Variants in KCNIP2 observed in about 807,000 individuals in gnomAD.
KCNIP2 encodes potassium voltage-gated channel interacting protein 2, also known as A-type potassium channel modulatory protein KCNIP2.
In KCNIP2, 19 loss-of-function variants were observed where a neutral mutation model predicts 39.0. That is an observed-to-expected ratio of 0.49 (90% CI 0.34 to 0.71). The LOEUF is 0.71. KCNIP2 is among the 30% of genes least tolerant of loss of function. KCNIP2 has a pLI of 0.01. For synonymous variants in KCNIP2, 111 were observed against 131.2 expected, an observed-to-expected ratio of 0.85 and a Z score of 1.05; for missense variants, 261 against 346.0, an observed-to-expected ratio of 0.75 and a Z score of 1.95.
In KCNIP2 at chr10:101,829,359, G is replaced by A. The variant is rs1026645793; in HGVS notation, c.224-160C>T. On this transcript the variant is annotated intron_variant, in intron 3 of 9. Transcript: ENST00000356640. ...CCCGAGCCAAGGACACTGAGGTAAG[G>A]AGAAAAGATGATGGCCATCTTCGAG... is the stretch of plus-strand genomic sequence containing the variant. The A allele has an allele frequency of 4.4e-6, 4 of 905,620 alleles. No homozygotes were observed. The African/African-American group carries it at 5.1e-5, about 12-fold the overall frequency. 56.1% of individuals were successfully genotyped at this position (905,620 alleles called of 1,614,324 possible).
Position 101,840,060 on chromosome 10 carries a change from G to A in KCNIP2, c.73+3436C>T, listed in dbSNP as rs1019729813. Among the ~76,000 whole-genome samples the A allele has an allele frequency of 1.3e-5, 2 of 149,126 alleles. 1 individual carries two copies. The highest frequency in any genetic ancestry group is 3.0e-5 in the Non-Finnish European group (2 of 66,426). On this transcript the variant is annotated intron_variant, in intron 1 of 9. Coordinates refer to ENST00000356640, the MANE Select transcript of KCNIP2 (RefSeq NM_173191.3). ...AGCCGCCCCCAAAGTTCCTGGACGG[G>A]GGGGGGGGGTGGCGGGGAGGGGCGG...
chr10:101,840,057 C>CGGGGGGGGGGGGGGGGGGGGGG (rs71016350), intron 1 of KCNIP2, among the ~76,000 whole-genome samples: 1 of 90,400 alleles, frequency 1.1e-5, no homozygotes, highest in African/African-American at 4.8e-5. Context: ...AGTTCCTGGA[C>CGGGGGGGGGGGGGGGGGGGGGG]GGGGGGGGGG....
In KCNIP2 at chr10:101,828,874, C is replaced by T; in HGVS notation, c.349-178G>A. The T allele has an allele frequency of 6.5e-7, 1 of 1,547,592 alleles. No individual in the cohort carries two copies. Among genetic ancestry groups the T allele is most frequent in the Non-Finnish European group, 8.7e-7 (1 of 1,145,810 alleles). On this transcript the variant is annotated intron_variant, in intron 4 of 9. Coordinates refer to ENST00000356640, the MANE Select transcript of KCNIP2 (RefSeq NM_173191.3). The surrounding 1 kb of genome is among the most constrained non-coding windows in gnomAD (Gnocchi z 6.6). ...TCTTTCCCAGTGCACAAATAAAAAA[C>T]ATGGAACGAAACTGACAGTCTACAG...
chr10:101,829,262 C>T, intron 3 of KCNIP2, 63 bp from the exon 4 acceptor site: 1 of 1,526,896 alleles, frequency 6.5e-7, no homozygotes, highest in Non-Finnish European at 8.8e-7. Flanking sequence ...CTTCAAATCA[C>T]TGCCCCATTC....
chr10:101,834,888 G>T (rs951426923), intron 1 of KCNIP2, among the ~76,000 whole-genome samples: 2 of 152,200 alleles, frequency 1.3e-5, no homozygotes, highest in African/African-American at 4.8e-5. Context: ...TGTCAGTATG[G>T]CAGTGCATAT....
rs1292262339 is a variant in KCNIP2, at chr10:101,826,827, AC to A, written c.*525del. The A allele has an allele frequency of 6.5e-6, 1 of 152,852 alleles. No homozygotes were observed. Among genetic ancestry groups the A allele is most frequent in the Non-Finnish European group, 1.5e-5 (1 of 68,640 alleles). The allele number at this position is 152,852 out of a possible 1,614,324, so 9.5% of individuals were successfully genotyped here. Reference sequence around the variant, plus strand: ...ATCTGTCCAGGCCCTTCTATTCTCAACCCCAGCCACCTCCTAGGACCTATCC... The same window carrying A: ...ATCTGTCCAGGCCCTTCTATTCTCAACCCAGCCACCTCCTAGGACCTATCC... On this transcript the variant is annotated 3_prime_UTR_variant, in exon 10 of 10. Coordinates refer to ENST00000356640, the MANE Select transcript of KCNIP2 (RefSeq NM_173191.3).
chr10:101,832,198 C>T (rs2066012677), intron 1 of KCNIP2, among the ~76,000 whole-genome samples: 1 of 152,096 alleles, frequency 6.6e-6, no homozygotes, highest in Admixed American at 6.6e-5. Flanking sequence ...GTGGGGCTAT[C>T]CATGGCCCAC....
At chr10:101,839,134 C>G (rs2066245878) in intron 1 of KCNIP2, among the ~76,000 whole-genome samples, 1 of 152,132 alleles carries the variant, frequency 6.6e-6, no homozygotes, top group South Asian at 2.1e-4. Context: ...ATCACAACCC[C>G]AGGGAGACAC....
At chr10:101,837,436 C>T (rs867349091) in intron 1 of KCNIP2, among the ~76,000 whole-genome samples, 5 of 152,108 alleles carry the variant, frequency 3.3e-5, no homozygotes, top group East Asian at 1.9e-4. Flanking sequence ...TTTGGGAGGC[C>T]GAGGCGGGTG....
At chr10:101,832,904 G>A (rs2066042969) in intron 1 of KCNIP2, among the ~76,000 whole-genome samples, 1 of 152,154 alleles carries the variant, frequency 6.6e-6, no homozygotes, top group Non-Finnish European at 1.5e-5. Context: ...GCAAGTTAGA[G>A]CTCAATCAAC....
Position 101,831,091 on chromosome 10 carries a change from G to A in KCNIP2, c.150C>T (p.Ala50=). The A allele has an allele frequency of 1.9e-6, 3 of 1,613,790 alleles. No individual in the cohort carries two copies. Among genetic ancestry groups the A allele is most frequent in the Non-Finnish European group, 2.5e-6 (3 of 1,179,974 alleles). The change falls in exon 2 of 10, where the codon GCC becomes GCT. Residue 50 remains alanine, a synonymous_variant. Transcript: ENST00000356640. ...LKLLPCCGPQ[A]LPSVSETLAA... ...ACTTGCTTTCACTGACTGAGGGCAG[G>A]GCTTGGGGCCCGCAGCACGGCAGCA...
Position 101,843,491 on chromosome 10 carries a change from C to T in KCNIP2, c.73+5G>A. 1 of 1,555,414 alleles carries T rather than the reference C, an allele frequency of 6.4e-7. No homozygotes were observed. Among genetic ancestry groups the T allele is most frequent in the Admixed American group, 1.8e-5 (1 of 55,142 alleles). ...CCTCCCGCGACCCCCACGTCACTGA[C>T]TCACCCGTGAGCTGGTCGTAGGAGC... On this transcript the variant is annotated splice_donor_5th_base_variant and intron_variant, in intron 1 of 9. Transcript: ENST00000356640. This position sits in a 1 kb window ranked among gnomAD's most constrained non-coding sequence, Gnocchi z 6.7.
rs1270756432 is a variant in KCNIP2, at chr10:101,828,455, G to A, written c.423C>T (p.Ser141=). 3 of 1,613,904 alleles carry A rather than the reference G, an allele frequency of 1.9e-6. No homozygotes were observed. Among genetic ancestry groups the A allele is most frequent in the African/African-American group, 2.7e-5 (2 of 74,918 alleles). The change falls in exon 6 of 10, where the codon TCC becomes TCT. Residue 141 remains serine, a synonymous_variant. Coordinates refer to ENST00000356640, the MANE Select transcript of KCNIP2 (RefSeq NM_173191.3). The surrounding 1 kb of genome is among the most constrained non-coding windows in gnomAD (Gnocchi z 6.6). ...IYSQFFPQGD[S]STYATFLFNA... ...TGAAGAGAAAAGTGGCATAGGTGCT[G>A]GAGTCTGCAGGGTGAGTGTGGAGAA...
Position 101,829,087 on chromosome 10 carries a change from C to G in KCNIP2, c.336G>C (p.Arg112=), listed in dbSNP as rs1339909738. The stretch of plus-strand genomic sequence containing the variant: ...GCCTTGCACTCACGTTCTTGAAGCC[C>G]CGGTACAGGACCTGCAACTCCTTGC... ...FTRKELQVLY[R]GFKNECPSGI... The change falls in exon 4 of 10, where the codon CGG becomes CGC. Residue 112 remains arginine, a synonymous_variant. Transcript: ENST00000356640. 2 of 1,614,080 alleles carry G rather than the reference C, an allele frequency of 1.2e-6. No individual in the cohort carries two copies. The highest frequency in any genetic ancestry group is 1.7e-6 in the Non-Finnish European group (2 of 1,179,952).
At chr10:101,839,849 G>A (rs1174393582) in intron 1 of KCNIP2, 13 of 1,590,284 alleles carry the variant, frequency 8.2e-6, no homozygotes, top group East Asian at 2.4e-5. Flanking sequence ...ATGGTTTGGC[G>A]GCGAGCTCGG....
rs1453723268 is a variant in KCNIP2 at position 101,827,757 on chromosome 10, A to G, written c.703-6T>C. 1 of 1,608,866 alleles carries G rather than the reference A, an allele frequency of 6.2e-7. No homozygotes were observed. Among genetic ancestry groups the G allele is most frequent in the Non-Finnish European group, 8.5e-7 (1 of 1,175,220 alleles). On this transcript the variant is annotated splice_region_variant and splice_polypyrimidine_tract_variant and intron_variant, in intron 8 of 9. Coordinates refer to ENST00000356640, the MANE Select transcript of KCNIP2 (RefSeq NM_173191.3). ...TCCTTGTTTCTGTCCATCTTCTGCAAGAAGGTGGTCAGGCAGGGAGAACAG... is the reference window on the plus strand; with the variant it reads ...TCCTTGTTTCTGTCCATCTTCTGCAGGAAGGTGGTCAGGCAGGGAGAACAG...
At chr10:101,829,488 C>G in intron 3 of KCNIP2, 2 of 481,020 alleles carry the variant, frequency 4.2e-6, no homozygotes. Flanking sequence ...GGCCCCCAGC[C>G]GCATCTTCGT....
chr10:101,838,664 G>A lies in KCNIP2; in HGVS notation c.73+4832C>T, dbSNP rs1255813728. 2.0e-5 allele frequency among the ~76,000 whole-genome samples: 3 copies of A among 152,234 alleles called. No homozygotes were observed. Among genetic ancestry groups the A allele is most frequent in the Admixed American group, 2.0e-4 (3 of 15,282 alleles). On this transcript the variant is annotated intron_variant, in intron 1 of 9. Transcript: ENST00000356640. This position sits in a 1 kb window ranked among gnomAD's most constrained non-coding sequence, Gnocchi z 4.0. Reference sequence around the variant, plus strand: ...GGAGACAGGCCCAAGCAGGGGGCTTGGAGGTTGTATGCTCCCCAGAAGATT... The same window carrying A: ...GGAGACAGGCCCAAGCAGGGGGCTTAGAGGTTGTATGCTCCCCAGAAGATT...
chr10:101,843,783 C>T lies in KCNIP2; in HGVS notation c.-215G>A, dbSNP rs185719461. 3.6e-3 allele frequency: 1,300 copies of T among 362,484 alleles called. 19 individuals are homozygous for T. Among genetic ancestry groups the T allele is most frequent in the East Asian group, 4.6e-3 (111 of 24,044 alleles). The allele number at this position is 362,484 out of a possible 1,614,324, so 22.5% of individuals were successfully genotyped here. A position where few individuals can be genotyped will look rare whatever the true frequency, so the allele number is the denominator to read the frequency against. Reference sequence around the variant, plus strand: ...ACTAGGCAGCAGGTGAGCGCAGAGCCGGAGGCAGAGCGGAGCTGAGCGCGG... The same window carrying T: ...ACTAGGCAGCAGGTGAGCGCAGAGCTGGAGGCAGAGCGGAGCTGAGCGCGG... On this transcript the variant is annotated 5_prime_UTR_variant, in exon 1 of 10. Coordinates refer to ENST00000356640, the MANE Select transcript of KCNIP2 (RefSeq NM_173191.3). The surrounding 1 kb of genome is among the most constrained non-coding windows in gnomAD (Gnocchi z 6.7).
Sources: gnomAD v4.1 joint callset for allele counts (sites outside exome capture counted in the v4.1 genomes callset) on GRCh38, gnomAD v4.1.1 for gene constraint, Gnocchi (gnomAD v3.1) non-coding constraint, MANE v1.5 for transcripts, NCBI Gene and HGNC (gene_info 2026-07-23, HGNC 2026-07-21) for gene names.